OR4E2: variants seen among roughly 807,000 people sequenced by gnomAD.
The protein encoded by OR4E2 is olfactory receptor 4E2.
Under a neutral mutation model 11.0 loss-of-function variants are expected in OR4E2, and 9 were observed. The ratio of observed to expected loss-of-function variants is 0.82; its 90% confidence interval spans 0.49 to 1.43. OR4E2 has a LOEUF of 1.43. Among genes scored for constraint, OR4E2 ranks in the 40% most tolerant of loss-of-function variants. OR4E2 has a pLI of 0.00. For synonymous variants in OR4E2, 159 were observed against 147.3 expected, an observed-to-expected ratio of 1.08 and a Z score of -0.57; for missense variants, 441 against 382.0, an observed-to-expected ratio of 1.15 and a Z score of -1.29.
At position 21,657,389 on chromosome 14, in the gene OR4E2, T is replaced by TTCCTTCCTTCCTTC. The variant is rs1566581708; in HGVS notation, c.-103+800_-103+801insTCCTTCCTTCCTTC. On this transcript the variant is annotated intron_variant, in intron 2 of 3. Transcript: ENST00000641524. ...TCCTTCCTTCCTTCCTTCCTTCCTT[T>TTCCTTCCTTCCTTC]CTTTCTTCCTTCCTTCCTTTCTTTC... Among the ~76,000 whole-genome samples the TTCCTTCCTTCCTTC allele has an allele frequency of 8.4e-4, 69 of 82,254 alleles. 2 individuals are homozygous for TTCCTTCCTTCCTTC. The highest frequency in any genetic ancestry group is 7.0e-3 in the Middle Eastern group (1 of 142). The allele number at this position is 82,254 out of a possible 152,430, so 54.0% of individuals were successfully genotyped here.
In OR4E2 at chr14:21,665,632, G is replaced by C; in HGVS notation, c.550G>C (p.Val184Leu). Residue 184 changes from valine to leucine, a missense_variant, in exon 4 of 4, where the codon GTT becomes CTT. Transcript: ENST00000641524. ...IDSYFCDVPL[V>L]IKLACTDTYL... ...CAGCTACTTCTGTGATGTGCCTCTT[G>C]TTATCAAGCTGGCCTGCACAGATAC... 6.2e-7 allele frequency: 1 copy of C among 1,614,086 alleles called. No homozygotes were observed. Among genetic ancestry groups the C allele is most frequent in the Non-Finnish European group, 8.5e-7 (1 of 1,180,020 alleles).
chr14:21,665,273 G>C lies in OR4E2; in HGVS notation c.191G>C (p.Ser64Thr). 6.2e-7 allele frequency: 1 copy of C among 1,614,110 alleles called. No homozygotes were observed. Among genetic ancestry groups the C allele is most frequent in the South Asian group, 1.1e-5 (1 of 91,082 alleles). Residue 64 changes from serine (S) to threonine (T), a missense_variant, in exon 4 of 4, where the codon AGC becomes ACC. Transcript: ENST00000641524. ...CATACCCCCATGTATTTCTTCCTGA[G>C]CAATCTGTCCTTTATTGACATCTGC... ...SLHTPMYFFLSNLSFIDICHS... is the reference protein window; with the variant it reads ...SLHTPMYFFLTNLSFIDICHS...
At chr14:21,656,450 T>G (rs1879958270) in intron 1 of OR4E2, 52 bp from the exon 2 acceptor site, 1 of 152,168 alleles carries the variant, frequency 6.6e-6, no homozygotes. Context: ...CAAATCAGAG[T>G]GTATTTTATT....
intron 3 of OR4E2, among the ~76,000 whole-genome samples, chr14:21,664,069 A>C (rs1880487958): frequency 6.6e-6 from 1 of 152,174 alleles, no homozygotes; most frequent in Non-Finnish European, 1.5e-5. Flanking sequence ...GCATACATGT[A>C]CATGTATCTT....
In OR4E2 at chr14:21,657,432, CT is replaced by C. The variant is rs1199325105; in HGVS notation, c.-103+845del. 2.0e-3 allele frequency among the ~76,000 whole-genome samples: 197 copies of C among 98,660 alleles called. 4 individuals carry two copies. Among genetic ancestry groups the C allele is most frequent in the Non-Finnish European group, 1.2e-3 (62 of 50,054 alleles). 64.7% of individuals were successfully genotyped at this position (98,660 alleles called of 152,430 possible). A position where few individuals can be genotyped will look rare whatever the true frequency, so the allele number is the denominator to read the frequency against. ...TTTCTTTCTTTCTTTCTCTTTCTTTCTTCTTTCTTTCCTTCCTTCCTTCCTT... is the reference window on the plus strand; with the variant it reads ...TTTCTTTCTTTCTTTCTCTTTCTTTCTCTTTCTTTCCTTCCTTCCTTCCTT... On this transcript the variant is annotated intron_variant, in intron 2 of 3. Coordinates refer to ENST00000641524, the MANE Select transcript of OR4E2 (RefSeq NM_001001912.3).
In OR4E2 at chr14:21,665,347, A is replaced by C. The variant is rs763103194; in HGVS notation, c.265A>C (p.Arg89=). 4 of 1,614,028 alleles carry C rather than the reference A, an allele frequency of 2.5e-6. No individual in the cohort carries two copies. In the Admixed American group the frequency reaches 5.0e-5, roughly 20 times the overall value. ...PKMLEGLLLE[R]KTISFDNCIT... The stretch of plus-strand genomic sequence containing the variant: ...GATGTTGGAGGGTTTGCTTTTAGAA[A>C]GAAAGACCATTTCCTTTGACAACTG... The change falls in exon 4 of 4, where the codon AGA becomes CGA. Residue 89 remains arginine, a synonymous_variant. Coordinates refer to ENST00000641524, the MANE Select transcript of OR4E2 (RefSeq NM_001001912.3).
intron 3 of OR4E2, among the ~76,000 whole-genome samples, chr14:21,663,492 T>G (rs1880452966): frequency 6.6e-6 from 1 of 152,014 alleles, no homozygotes; most frequent in South Asian, 2.1e-4. Context: ...AAAAAATTTT[T>G]TTTTTTTGAT....
At chr14:21,657,984 T>C (rs79759950) in intron 2 of OR4E2, among the ~76,000 whole-genome samples, 1 of 152,196 alleles carries the variant, frequency 6.6e-6, no homozygotes, top group Non-Finnish European at 1.5e-5. Flanking sequence ...GTTTTTTTTT[T>C]CTCAGAGATT....
chr14:21,659,492 GT>G (rs1043049696), intron 2 of OR4E2, among the ~76,000 whole-genome samples: 1 of 152,024 alleles, frequency 6.6e-6, no homozygotes, highest in Admixed American at 6.6e-5. Context: ...CCCATTTTAT[GT>G]TTTTTTCTTT....
Position 21,665,482 on chromosome 14 carries a change from AATGTG to A in OR4E2, c.404_408del (p.Val135GlufsTer39). ...TATCTGCACTCCACTCCACTACCCCAATGTGATGAACATGAGAGTCTGTATACAGC... is the reference window on the plus strand; with the variant it reads ...TATCTGCACTCCACTCCACTACCCCAATGAACATGAGAGTCTGTATACAGC... On this transcript the variant is annotated frameshift_variant, in exon 4 of 4. Coordinates refer to ENST00000641524, the MANE Select transcript of OR4E2 (RefSeq NM_001001912.3). LOFTEE classifies it high-confidence loss of function. 3 of 1,614,112 alleles carry A rather than the reference AATGTG, an allele frequency of 1.9e-6. No homozygotes were observed. Among genetic ancestry groups the A allele is most frequent in the Non-Finnish European group, 2.5e-6 (3 of 1,180,022 alleles).
In OR4E2 at chr14:21,665,095, A is replaced by T; in HGVS notation, c.13A>T (p.Asn5Tyr). Reference sequence around the variant, plus strand: ...CTAAGCTCATTGAATGGACAGTCTAAACCAAACAAGAGTGACTGAATTTGT... The same window carrying T: ...CTAAGCTCATTGAATGGACAGTCTATACCAAACAAGAGTGACTGAATTTGT... MDSL[N>Y]QTRVTEFVFL... Residue 5 changes from asparagine (N) to tyrosine (Y), a missense_variant, in exon 4 of 4, where the codon AAC becomes TAC. Physicochemically the swap from Asn to Tyr is moderately radical, Grantham distance 143. Transcript: ENST00000641524. 6.2e-7 allele frequency: 1 copy of T among 1,608,360 alleles called. No homozygotes were observed. The highest frequency in any genetic ancestry group is 8.5e-7 in the Non-Finnish European group (1 of 1,176,690).
intron 3 of OR4E2, among the ~76,000 whole-genome samples, chr14:21,662,858 A>C (rs968233729): frequency 1.3e-5 from 2 of 152,224 alleles, no homozygotes; most frequent in Admixed American, 1.3e-4. Flanking sequence ...GAATGCTTAC[A>C]AGTGAAATAA....
In OR4E2 at chr14:21,666,564, T is replaced by A. The variant is rs1346141712; in HGVS notation, c.*540T>A. ...CTAGATCTATTTTGTACTTTTTTTT[T>A]GAGACAGGAATTTTTTGTACTATTC... On this transcript the variant is annotated 3_prime_UTR_variant, in exon 4 of 4. Coordinates refer to ENST00000641524, the MANE Select transcript of OR4E2 (RefSeq NM_001001912.3). The A allele has an allele frequency of 6.6e-6, 1 of 152,186 alleles. No homozygotes were observed. The highest frequency in any genetic ancestry group is 1.5e-5 in the Non-Finnish European group (1 of 68,032). The allele number at this position is 152,186 out of a possible 1,614,324, so 9.4% of individuals were successfully genotyped here. A position where few individuals can be genotyped will look rare whatever the true frequency, so the allele number is the denominator to read the frequency against.
chr14:21,665,700 C>A lies in OR4E2; in HGVS notation c.618C>A (p.Ile206=), dbSNP rs2138543604. Residue 206 remains isoleucine, a synonymous_variant, in exon 4 of 4, where the codon ATC becomes ATA. Transcript: ENST00000641524. ...GILIVTNSGT[I]SLSCFLAVVT... ...TGATTGTGACCAATAGTGGAACCATCTCCCTCTCCTGTTTCTTGGCCGTGG... is the reference window on the plus strand; with the variant it reads ...TGATTGTGACCAATAGTGGAACCATATCCCTCTCCTGTTTCTTGGCCGTGG... 1 of 1,614,194 alleles carries A rather than the reference C, an allele frequency of 6.2e-7. No individual in the cohort carries two copies. The highest frequency in any genetic ancestry group is 1.1e-5 in the South Asian group (1 of 91,080).
chr14:21,660,300 A>C (rs1880246605), intron 2 of OR4E2, among the ~76,000 whole-genome samples: 3 of 152,222 alleles, frequency 2.0e-5, no homozygotes, highest in Non-Finnish European at 2.9e-5. Context: ...ATGCTGAAGC[A>C]CTCACCTCCT....
chr14:21,654,747 TGAGA>T (rs34453088), intron 1 of OR4E2, among the ~76,000 whole-genome samples: 244 of 146,498 alleles, frequency 1.7e-3, no homozygotes, highest in African/African-American at 5.2e-3. Flanking sequence ...ATATATAAAA[TGAGA>T]GAGAGAGAGA....
chr14:21,656,177 A>C (rs1202168786), intron 1 of OR4E2, among the ~76,000 whole-genome samples: 3 of 151,354 alleles, frequency 2.0e-5, no homozygotes, highest in Admixed American at 6.6e-5. Flanking sequence ...AAACAACCAA[A>C]AAAAAAAAAG....
chr14:21,661,775 C>T (rs1381654638), intron 3 of OR4E2, among the ~76,000 whole-genome samples: 4 of 152,166 alleles, frequency 2.6e-5, no homozygotes, highest in African/African-American at 9.7e-5. Flanking sequence ...TTTATCTAGT[C>T]CTCTATTGAG....
chr14:21,660,254 A>G (rs1408430006), intron 2 of OR4E2, among the ~76,000 whole-genome samples: 2 of 152,226 alleles, frequency 1.3e-5, no homozygotes, highest in African/African-American at 4.8e-5. Flanking sequence ...ATTTAATGCC[A>G]AGGCTGATCT....
Sources: gnomAD v4.1 joint callset for allele counts (sites outside exome capture counted in the v4.1 genomes callset) on GRCh38, gnomAD v4.1.1 for gene constraint, MANE v1.5 for transcripts, NCBI Gene and HGNC (gene_info 2026-07-23, HGNC 2026-07-21) for gene names.